Variants in PCDHGA4 observed in about 807,000 individuals in gnomAD.
PCDHGA4 encodes the protein protocadherin gamma-A4.
In PCDHGA4, 38 loss-of-function variants were observed where a neutral mutation model predicts 54.6. That is an observed-to-expected ratio of 0.70 (90% CI 0.54 to 0.91). The LOEUF is 0.91. Ranked by LOEUF, PCDHGA4 falls within the 40% of genes least tolerant of loss-of-function variation. The probability of loss-of-function intolerance (pLI) is 0.00; values close to 1 mark genes in which losing one functional copy is unlikely to be tolerated. For synonymous variants in PCDHGA4, 511 were observed against 512.9 expected (o/e 1.00, Z 0.05); for missense variants, 1,298 against 1,220.9 (o/e 1.06, Z -0.94).
intron 1 of PCDHGA4, chr5:141,376,677 T>TTTTTTTTTTG: frequency 9.5e-6 from 1 of 105,324 alleles, no homozygotes; most frequent in Non-Finnish European, 1.5e-5. Flanking sequence ...GAGGGTATCG[T>TTTTTTTTTTG]TTTTTTTTTT....
chr5:141,410,115 C>T, intron 1 of PCDHGA4: 1 of 1,612,624 alleles, frequency 6.2e-7, no homozygotes. Context: ...AGGGACGCAG[C>T]CCGCCAGCGC....
At chr5:141,382,271 A>T (rs1445188092) in intron 1 of PCDHGA4, among the ~76,000 whole-genome samples, 1 of 152,214 alleles carries the variant, frequency 6.6e-6, no homozygotes, top group East Asian at 1.9e-4. Context: ...TCTAGAACAT[A>T]TGTGTTCAAT....
intron 1 of PCDHGA4, chr5:141,409,865 C>A: frequency 6.2e-7 from 1 of 1,612,574 alleles, no homozygotes; most frequent in Non-Finnish European, 8.5e-7. Flanking sequence ...GGTGGGAGAC[C>A]GCAATGACAA....
intron 1 of PCDHGA4, among the ~76,000 whole-genome samples, chr5:141,457,190 G>A (rs2098913282): frequency 6.6e-6 from 1 of 152,200 alleles, no homozygotes; most frequent in African/African-American, 2.4e-5. Context: ...GTAGAGTGAG[G>A]AAAGCAGTTC....
chr5:141,441,289 T>C (rs1350801949), intron 1 of PCDHGA4: 1 of 152,212 alleles, frequency 6.6e-6, no homozygotes, highest in Non-Finnish European at 1.5e-5. Flanking sequence ...CGAGGTCACA[T>C]GTCTGATATA....
At chr5:141,422,459 T>C (rs1368153179) in intron 1 of PCDHGA4, 1 of 1,613,448 alleles carries the variant, frequency 6.2e-7, no homozygotes, top group South Asian at 1.1e-5. Context: ...AGCAGAGTGC[T>C]GGACAGGGAG....
chr5:141,482,530 C>CA (rs3074545), intron 1 of PCDHGA4, among the ~76,000 whole-genome samples: 3,839 of 76,186 alleles, frequency 0.05, 137 homozygotes, highest in East Asian at 0.1. Context: ...GACAGACATG[C>CA]AAAAAAAAAA....
intron 1 of PCDHGA4, chr5:141,393,135 A>T: frequency 6.2e-7 from 1 of 1,613,294 alleles, no homozygotes; most frequent in Non-Finnish European, 8.5e-7. Context: ...AAATATTAAC[A>T]CCCTGGTTGA....
rs1057374827 is a variant in PCDHGA4, at chr5:141,485,503, C to G, written c.2515-9304C>G. 3.1e-6 allele frequency: 5 copies of G among 1,613,978 alleles called. No homozygotes were observed. Among genetic ancestry groups the G allele is most frequent in the Non-Finnish European group, 4.2e-6 (5 of 1,180,016 alleles). On this transcript the variant is annotated intron_variant, in intron 1 of 3. Coordinates refer to ENST00000571252, the MANE Select transcript of PCDHGA4 (RefSeq NM_018917.4). This position sits in a 1 kb window ranked among gnomAD's most constrained non-coding sequence, Gnocchi z 5.7. ...GCATCGTGCCCCTGGAGTTTGTCACCGAAGGTCCTTTGGAAATGTACCGAG... is the reference window on the plus strand; with the variant it reads ...GCATCGTGCCCCTGGAGTTTGTCACGGAAGGTCCTTTGGAAATGTACCGAG...
At chr5:141,441,757 G>A (rs1423867327) in intron 1 of PCDHGA4, 2 of 381,638 alleles carry the variant, frequency 5.2e-6, no homozygotes, top group Middle Eastern at 6.5e-4. Context: ...GTCAACGTGA[G>A]CCTGCGCGTG....
intron 1 of PCDHGA4, chr5:141,400,004 G>T (rs750835037): frequency 2.5e-6 from 4 of 1,612,420 alleles, no homozygotes; most frequent in East Asian, 2.2e-5. Flanking sequence ...CGCACAGCGC[G>T]TGCCTTGGGC....
chr5:141,362,071 G>A (rs1322302295), intron 1 of PCDHGA4: 1 of 1,612,812 alleles, frequency 6.2e-7, no homozygotes, highest in African/African-American at 1.3e-5. Context: ...GCTGGTCGCT[G>A]TGCGTGATGG....
Position 141,375,514 on chromosome 5 carries a change from G to A in PCDHGA4, c.2514+17893G>A, listed in dbSNP as rs1345928950. On this transcript the variant is annotated intron_variant, in intron 1 of 3. Transcript: ENST00000571252. The stretch of plus-strand genomic sequence containing the variant: ...CCTCCATCTTCTCTGTGAATGCACT[G>A]GACCCTGACGTGGACCAGAACGCCC... 3.1e-6 allele frequency: 5 copies of A among 1,613,836 alleles called. No homozygotes were observed. In the African/African-American group the frequency reaches 4.0e-5, roughly 13 times the overall value.
intron 2 of PCDHGA4, among the ~76,000 whole-genome samples, chr5:141,502,866 C>CTTTTTCTT (rs2099816520): frequency 1.6e-5 from 2 of 128,030 alleles, no homozygotes; most frequent in African/African-American, 6.2e-5. Flanking sequence ...GACTCTCTGT[C>CTTTTTCTT]TTTTTTTTTT....
chr5:141,355,634 A>G lies in PCDHGA4; in HGVS notation c.527A>G (p.Asn176Ser). ...CAGAGGGAAATAAAAGTTGCTGAAA[A>G]TGAAAATCCTGGGGCAAGATTTCCT... ...TEQREIKVAE[N>S]ENPGARFPLP... The change falls in exon 1 of 4, where the codon AAT (asparagine) becomes AGT (serine). Residue 176 changes from asparagine (N) to serine (S), a missense_variant. By Grantham distance (46) the Asn-to-Ser change is conservative. Transcript: ENST00000571252. 1.2e-6 allele frequency: 2 copies of G among 1,614,002 alleles called. No homozygotes were observed. Among genetic ancestry groups the G allele is most frequent in the African/African-American group, 2.7e-5 (2 of 75,054 alleles).
chr5:141,476,766 T>C lies in PCDHGA4; in HGVS notation c.2515-18041T>C. ...AGTCTCCAGTTAGTGCTGACGGCGT[T>C]GGACGGAGGGACCCCAGCTCTCTCC... On this transcript the variant is annotated intron_variant, in intron 1 of 3. Coordinates refer to ENST00000571252, the MANE Select transcript of PCDHGA4 (RefSeq NM_018917.4). This position sits in a 1 kb window ranked among gnomAD's most constrained non-coding sequence, Gnocchi z 7.6. The C allele has an allele frequency of 1.9e-6, 3 of 1,613,626 alleles. No individual in the cohort carries two copies. The highest frequency in any genetic ancestry group is 2.5e-6 in the Non-Finnish European group (3 of 1,179,952).
At chr5:141,479,573 C>A (rs1468041584) in intron 1 of PCDHGA4, 1 of 152,230 alleles carries the variant, frequency 6.6e-6, no homozygotes, top group Admixed American at 6.5e-5. Flanking sequence ...GGGATGACAT[C>A]TGTGAATAGC....
At position 141,486,090 on chromosome 5, in the gene PCDHGA4, G is replaced by C. The variant is rs190955361; in HGVS notation, c.2515-8717G>C. On this transcript the variant is annotated intron_variant, in intron 1 of 3. Transcript: ENST00000571252. The surrounding 1 kb of genome is among the most constrained non-coding windows in gnomAD (Gnocchi z 5.0). ...ACTACTGGAAAGCTTACTCTTTTGG[G>C]GCCCCTAGACTTTGAGAGTGAGAAT... 4 of 1,614,086 alleles carry C rather than the reference G, an allele frequency of 2.5e-6. No individual in the cohort carries two copies. The Admixed American group carries it at 6.7e-5, about 27-fold the overall frequency.
Position 141,485,996 on chromosome 5 carries a change from G to A in PCDHGA4, c.2515-8811G>A, listed in dbSNP as rs114142606. On this transcript the variant is annotated intron_variant, in intron 1 of 3. Coordinates refer to ENST00000571252, the MANE Select transcript of PCDHGA4 (RefSeq NM_018917.4). The surrounding 1 kb of genome is among the most constrained non-coding windows in gnomAD (Gnocchi z 5.7). ...CTCAGACCCGGACCTGGGTCCCAGT[G>A]GTAACGTCACCTTTTATTTCAGTGG... The A allele has an allele frequency of 1.6e-4, 256 of 1,614,178 alleles. 1 individual carries two copies. Among genetic ancestry groups the A allele is most frequent in the Middle Eastern group, 1.5e-3 (9 of 6,062 alleles).
Sources: allele counts gnomAD v4.1 joint callset (sites outside exome capture counted in the v4.1 genomes callset), GRCh38; gene constraint gnomAD v4.1.1; non-coding constraint Gnocchi (gnomAD v3.1); transcripts MANE v1.5; gene names NCBI Gene and HGNC (gene_info 2026-07-23, HGNC 2026-07-21).